MRTFA: variants seen among roughly 807,000 people sequenced by gnomAD.
The protein encoded by MRTFA is myocardin-related transcription factor A.
MRTFA carries 20 observed loss-of-function variants against 83.5 expected under a neutral mutation model. The observed-to-expected ratio is 0.24, with a 90% CI of 0.17 to 0.35. MRTFA has a LOEUF of 0.35. Among genes scored for constraint, MRTFA ranks in the 10% least tolerant of loss-of-function variants. MRTFA has a pLI of 1.00. For missense variants in MRTFA, 1,200 were observed against 1,224.7 expected, an observed-to-expected ratio of 0.98 and a Z score of 0.30; for synonymous variants, 659 against 541.2, an observed-to-expected ratio of 1.22 and a Z score of -3.02.
intron 3 of MRTFA, among the ~76,000 whole-genome samples, chr22:40,463,972 G>A (rs2147154804): frequency 6.6e-6 from 1 of 152,050 alleles, no homozygotes; most frequent in African/African-American, 2.4e-5. Context: ...ACTGCTTAAT[G>A]AAAAAACTTA....
chr22:40,575,514 T>C (rs1250915681), intron 2 of MRTFA, among the ~76,000 whole-genome samples: 1 of 152,204 alleles, frequency 6.6e-6, no homozygotes, highest in East Asian at 1.9e-4. Flanking sequence ...TGAGTAGCAG[T>C]AAAAAGTGAA....
intron 1 of MRTFA, among the ~76,000 whole-genome samples, chr22:40,616,814 G>A (rs1427580004): frequency 4.5e-4 from 68 of 152,154 alleles, no homozygotes; most frequent in Admixed American, 4.4e-3. Flanking sequence ...AAAAGATGGA[G>A]TAGCTGAGCA....
intron 2 of MRTFA, among the ~76,000 whole-genome samples, chr22:40,584,077 T>G (rs1165179830): frequency 1.6e-5 from 2 of 128,850 alleles, no homozygotes; most frequent in Non-Finnish European, 3.6e-5. Context: ...TTTACTGTCC[T>G]TCTTCTAAGC....
chr22:40,495,525 G>A (rs1274449741), intron 3 of MRTFA, among the ~76,000 whole-genome samples: 1 of 151,256 alleles, frequency 6.6e-6, no homozygotes, highest in Non-Finnish European at 1.5e-5. Context: ...TTGGGAGGCC[G>A]AGGTGAATGG....
At chr22:40,615,927 T>G (rs2056444368) in intron 1 of MRTFA, among the ~76,000 whole-genome samples, 1 of 152,130 alleles carries the variant, frequency 6.6e-6, no homozygotes. Context: ...TCAAGTGATC[T>G]GCCCGCCTCG....
chr22:40,457,755 G>A (rs2053623157), intron 4 of MRTFA, among the ~76,000 whole-genome samples: 4 of 152,284 alleles, frequency 2.6e-5, no homozygotes, highest in Admixed American at 2.0e-4. Context: ...AGTAAGTTGA[G>A]GGTTAACTGT....
rs2052487110 is a variant in MRTFA, at chr22:40,410,627, TACCTACATGTC to T, written c.*752_*762del. On this transcript the variant is annotated 3_prime_UTR_variant, in exon 15 of 15. Transcript: ENST00000355630. ...AGGTGGGGCATAGGCCGTGGCAGGGTACCTACATGTCAATCACACGTGATGGGTGGGCCTGG... is the reference window on the plus strand; with the variant it reads ...AGGTGGGGCATAGGCCGTGGCAGGGTAATCACACGTGATGGGTGGGCCTGG... The T allele has an allele frequency of 4.3e-6, 1 of 233,242 alleles. No homozygotes were observed. Among genetic ancestry groups the T allele is most frequent in the Admixed American group, 5.6e-5 (1 of 17,772 alleles). The allele number at this position is 233,242 out of a possible 1,614,324, so 14.4% of individuals were successfully genotyped here. A position where few individuals can be genotyped will look rare whatever the true frequency, so the allele number is the denominator to read the frequency against.
chr22:40,419,398 A>G lies in MRTFA; in HGVS notation c.1354-14T>C. The G allele has an allele frequency of 6.2e-7, 1 of 1,611,802 alleles. No homozygotes were observed. On this transcript the variant is annotated splice_polypyrimidine_tract_variant and intron_variant, in intron 11 of 14. Coordinates refer to ENST00000355630, the MANE Select transcript of MRTFA (RefSeq NM_020831.6). ...CAGCTCTGCCACCTGCAAGGCAGTC[A>G]AGAGTCAGGGAGGCCAGGGGCAGCT... is the stretch of plus-strand genomic sequence containing the variant.
At chr22:40,587,495 A>G in intron 2 of MRTFA, 1 of 301,914 alleles carries the variant, frequency 3.3e-6, no homozygotes, top group Admixed American at 4.7e-5. Flanking sequence ...TTAAGTGGCA[A>G]AACAGCCTCC....
intron 3 of MRTFA, among the ~76,000 whole-genome samples, chr22:40,547,472 G>C (rs983005441): frequency 1.3e-5 from 2 of 152,134 alleles, no homozygotes; most frequent in Non-Finnish European, 2.9e-5. Flanking sequence ...GCAAGTACAA[G>C]GCCCTGGGAT....
chr22:40,594,742 C>CA lies in MRTFA; in HGVS notation c.-83-8dup, dbSNP rs981326966. On this transcript the variant is annotated splice_region_variant and splice_polypyrimidine_tract_variant and intron_variant, in intron 1 of 14. Transcript: ENST00000355630. Reference sequence around the variant, plus strand: ...CAACCATACCCTCCGATCACTACAACACAAACAGAAAAATAAAAGTTCATG... The same window carrying CA: ...CAACCATACCCTCCGATCACTACAACAACAAACAGAAAAATAAAAGTTCATG... The CA allele has an allele frequency of 1.3e-5, 2 of 152,054 alleles. No homozygotes were observed. The highest frequency in any genetic ancestry group is 2.9e-5 in the Non-Finnish European group (2 of 67,980). 9.4% of individuals were successfully genotyped at this position (152,054 alleles called of 1,614,324 possible). A position where few individuals can be genotyped will look rare whatever the true frequency, so the allele number is the denominator to read the frequency against.
At chr22:40,609,108 T>C (rs1345640091) in intron 1 of MRTFA, among the ~76,000 whole-genome samples, 2 of 151,970 alleles carry the variant, frequency 1.3e-5, no homozygotes, top group Non-Finnish European at 2.9e-5. Context: ...CTGGCCAACA[T>C]GGTGAAACCC....
rs55998848 is a variant in MRTFA at position 40,520,226 on chromosome 22, AG to A, written c.241+31879del. Among the ~76,000 whole-genome samples, 789 of 152,306 alleles carry A rather than the reference AG, an allele frequency of 5.2e-3. 4 individuals carry two copies. The highest frequency in any genetic ancestry group is 8.7e-3 in the Non-Finnish European group (590 of 68,024). ...CATACTATAAAATTCAACCATTCAA[AG>A]TGCATAATTCCATAGTTTATCGCAA... On this transcript the variant is annotated intron_variant, in intron 3 of 14. Coordinates refer to ENST00000355630, the MANE Select transcript of MRTFA (RefSeq NM_020831.6).
chr22:40,613,716 GGCT>G (rs1396163184), intron 1 of MRTFA, among the ~76,000 whole-genome samples: 1 of 151,876 alleles, frequency 6.6e-6, no homozygotes, highest in Non-Finnish European at 1.5e-5. Context: ...TTTCCAGCCT[GGCT>G]GACATGGTGA....
rs1467163061 is a variant in MRTFA at position 40,411,473 on chromosome 22, G to A, written c.3013C>T (p.Leu1005Phe). The change falls in exon 15 of 15, where the codon CTC becomes TTC. Residue 1005 changes from leucine (L) to phenylalanine (F), a missense_variant. Around this residue, in one of 2 missense-constraint regions of MRTFA, gnomAD observed 1,107 missense variants for 1,041.8 expected, o/e 1.06. Coordinates refer to ENST00000355630, the MANE Select transcript of MRTFA (RefSeq NM_020831.6). ...AAGAGGCTGGGGGCTGTGGTGCTGA[G>A]GGGGGCTAGGCTCAGCACGGGACCA... The A allele has an allele frequency of 1.6e-5, 25 of 1,605,736 alleles. No homozygotes were observed. Among genetic ancestry groups the A allele is most frequent in the Non-Finnish European group, 2.1e-5 (25 of 1,173,392 alleles).
chr22:40,488,919 T>G (rs1406921739), intron 3 of MRTFA, among the ~76,000 whole-genome samples: 2 of 152,188 alleles, frequency 1.3e-5, no homozygotes, highest in African/African-American at 4.8e-5. Flanking sequence ...GCTAACATAT[T>G]GTGTTATATC....
At chr22:40,477,063 C>T (rs1302741963) in intron 3 of MRTFA, among the ~76,000 whole-genome samples, 1 of 150,888 alleles carries the variant, frequency 6.6e-6, no homozygotes, top group Admixed American at 6.7e-5. Flanking sequence ...GGTGCGGTGG[C>T]TCATGCCTGT....
chr22:40,454,290 AT>A (rs2053546533), intron 4 of MRTFA, among the ~76,000 whole-genome samples: 1 of 151,986 alleles, frequency 6.6e-6, no homozygotes, highest in African/African-American at 2.4e-5. Flanking sequence ...TAATTTCTGT[AT>A]TTTTTGTAGA....
intron 4 of MRTFA, among the ~76,000 whole-genome samples, chr22:40,459,877 T>C (rs1230960174): frequency 9.2e-6 from 1 of 108,202 alleles, no homozygotes; most frequent in African/African-American, 3.7e-5. Flanking sequence ...ACATGAATGA[T>C]ACTTTCTCAA....
Sources: gnomAD v4.1 joint callset for allele counts (sites outside exome capture counted in the v4.1 genomes callset) on GRCh38, gnomAD v4.1.1 for gene constraint, gnomAD v4.1.1 regional missense constraint, MANE v1.5 for transcripts, NCBI Gene and HGNC (gene_info 2026-07-23, HGNC 2026-07-21) for gene names.